NAT10: variants seen among roughly 807,000 people sequenced by gnomAD.
NAT10 encodes RNA cytidine acetyltransferase.
In NAT10, 109 loss-of-function variants were observed where a neutral mutation model predicts 132.2. That is an observed-to-expected ratio of 0.82 (90% CI 0.71 to 0.97). The LOEUF is 0.97. Ranked by LOEUF, NAT10 falls within the 50% of genes least tolerant of loss-of-function variation. NAT10 has a pLI of 0.00. For synonymous variants in NAT10, 479 were observed against 478.0 expected, an observed-to-expected ratio of 1.00 and a Z score of -0.03; for missense variants, 1,184 against 1,263.4, an observed-to-expected ratio of 0.94 and a Z score of 0.95.
chr11:34,129,070 C>G (rs968409096), intron 12 of NAT10, among the ~76,000 whole-genome samples: 1 of 152,106 alleles, frequency 6.6e-6, no homozygotes, highest in Admixed American at 6.5e-5. Flanking sequence ...GGTTATTTCT[C>G]CCTCTTGGAT....
intron 13 of NAT10, 30 bp downstream of exon 13, chr11:34,130,967 G>T (rs748971403): frequency 1.2e-6 from 2 of 1,612,418 alleles, no homozygotes; most frequent in Non-Finnish European, 1.7e-6. Context: ...GGGTCCCGCG[G>T]TTCACAGCAA....
rs1238571091 is a variant in NAT10, at chr11:34,131,428, C to T, written c.1417C>T (p.Pro473Ser). 4.3e-6 allele frequency: 7 copies of T among 1,614,138 alleles called. No individual in the cohort carries two copies. The East Asian group carries it at 1.6e-4, about 36-fold the overall frequency. The change falls in exon 14 of 29, where the codon CCT (proline) becomes TCT (serine). Residue 473 changes from proline (P) to serine (S), a missense_variant. Transcript: ENST00000257829. ...VSLQESIRYA[P>S]GDAVEKWLND... The stretch of plus-strand genomic sequence containing the variant: ...CCTCCAGGAGTCAATCCGATACGCC[C>T]CTGGGGATGCAGTGGAGAAGTGGCT...
At chr11:34,131,660 C>A in intron 14 of NAT10, 129 bp downstream of exon 14, 9 of 920,990 alleles carry the variant, frequency 9.8e-6, no homozygotes, top group East Asian at 3.0e-5. Flanking sequence ...TTTTCAATTT[C>A]CTTTTTCTCT....
At chr11:34,123,429 G>C (rs945927892) in intron 9 of NAT10, among the ~76,000 whole-genome samples, 2 of 152,260 alleles carry the variant, frequency 1.3e-5, no homozygotes, top group African/African-American at 4.8e-5. Context: ...GAGCTCCCCA[G>C]CTTCACCATT....
intron 16 of NAT10, among the ~76,000 whole-genome samples, 173 bp downstream of exon 16, chr11:34,133,315 G>A (rs755287377): frequency 6.6e-5 from 10 of 152,130 alleles, no homozygotes; most frequent in Non-Finnish European, 1.5e-4. Flanking sequence ...AGAGGTTAGC[G>A]CCACTAGACA....
chr11:34,133,297 G>T (rs1852139839), intron 16 of NAT10, among the ~76,000 whole-genome samples, 155 bp downstream of exon 16: 1 of 152,192 alleles, frequency 6.6e-6, no homozygotes, highest in Non-Finnish European at 1.5e-5. Flanking sequence ...TGACTAGGGT[G>T]CACTGGAAGA....
intron 8 of NAT10, 125 bp downstream of exon 8, chr11:34,118,628 G>A: frequency 3.0e-6 from 2 of 670,666 alleles, no homozygotes; most frequent in South Asian, 3.9e-5. Context: ...TTTTCCCCTT[G>A]CTCATACTCG....
At chr11:34,144,818 G>A (rs1852407930) in intron 28 of NAT10, among the ~76,000 whole-genome samples, 1 of 152,180 alleles carries the variant, frequency 6.6e-6, no homozygotes, top group South Asian at 2.1e-4. Flanking sequence ...TGGGGAGGGT[G>A]AGATTTTGGC....
chr11:34,139,145 A>C (rs1852273332), intron 21 of NAT10, 46 bp from the exon 22 acceptor site: 2 of 1,532,364 alleles, frequency 1.3e-6, no homozygotes, highest in East Asian at 2.3e-5. Flanking sequence ...TGGGTTATTC[A>C]AAAAAAGGGG....
chr11:34,134,208 G>A, intron 16 of NAT10, 111 bp from the exon 17 acceptor site: 3 of 893,030 alleles, frequency 3.4e-6, no homozygotes, highest in Non-Finnish European at 5.6e-6. Context: ...GGTTAAACCT[G>A]AACATGGGGG....
intron 24 of NAT10, 91 bp downstream of exon 24, chr11:34,140,663 T>C (rs1852309797): frequency 1.4e-6 from 2 of 1,411,400 alleles, no homozygotes; most frequent in South Asian, 2.7e-5. Context: ...GACATAATTG[T>C]GTGCCTTTAA....
intron 28 of NAT10, 64 bp downstream of exon 28, chr11:34,143,592 T>A (rs1852381383): frequency 7.0e-7 from 1 of 1,438,212 alleles, no homozygotes; most frequent in African/African-American, 1.4e-5. Flanking sequence ...TGCTTCTCTT[T>A]AACTTTGACT....
chr11:34,143,287 G>C (rs768588070), intron 27 of NAT10, among the ~76,000 whole-genome samples, 158 bp from the exon 28 acceptor site: 3 of 152,206 alleles, frequency 2.0e-5, no homozygotes, highest in Non-Finnish European at 2.9e-5. Flanking sequence ...CTGCATGCTT[G>C]TCCCCTCTGT....
At chr11:34,133,568 T>G (rs1222347515) in intron 16 of NAT10, among the ~76,000 whole-genome samples, 1 of 152,226 alleles carries the variant, frequency 6.6e-6, no homozygotes, top group African/African-American at 2.4e-5. Flanking sequence ...GCTTTTATTT[T>G]TAGGCAGTGT....
intron 12 of NAT10, 138 bp downstream of exon 12, chr11:34,127,737 C>G: frequency 9.2e-7 from 1 of 1,086,556 alleles, no homozygotes; most frequent in Non-Finnish European, 1.3e-6. Flanking sequence ...GCTTCATTCT[C>G]TACTGGGCTT....
chr11:34,121,057 A>G (rs1851883890), intron 8 of NAT10, among the ~76,000 whole-genome samples: 1 of 152,088 alleles, frequency 6.6e-6, no homozygotes, highest in South Asian at 2.1e-4. Context: ...GTAGGGGTGG[A>G]GGAGGAGATT....
intron 5 of NAT10, among the ~76,000 whole-genome samples, chr11:34,114,295 C>T (rs1851747585): frequency 6.6e-6 from 1 of 152,138 alleles, no homozygotes; most frequent in African/African-American, 2.4e-5. Flanking sequence ...TTGTGTTCTC[C>T]CAAAGCAAAA....
At chr11:34,144,092 T>C (rs534682413) in intron 28 of NAT10, among the ~76,000 whole-genome samples, 1 of 152,230 alleles carries the variant, frequency 6.6e-6, no homozygotes, top group African/African-American at 2.4e-5. Flanking sequence ...ACAATTAAGG[T>C]CCCCAAAGGA....
chr11:34,105,858 AG>A (rs1383265577), intron 1 of NAT10, 66 bp downstream of exon 1: 1 of 152,276 alleles, frequency 6.6e-6, no homozygotes, highest in Non-Finnish European at 1.5e-5. Context: ...CTGGGTCGAG[AG>A]GGGACCGGCC....
Sources: allele counts gnomAD v4.1 joint callset (sites outside exome capture counted in the v4.1 genomes callset), GRCh38; gene constraint gnomAD v4.1.1; transcripts MANE v1.5; gene names NCBI Gene and HGNC (gene_info 2026-07-23, HGNC 2026-07-21).